Variants in PHF21A observed in about 807,000 individuals in gnomAD.
The protein encoded by PHF21A is BHC80a.
A neutral mutation model predicts 82.5 loss-of-function variants in PHF21A; 11 were observed. The ratio of observed to expected loss-of-function variants is 0.13; its 90% CI spans 0.08 to 0.22. The LOEUF is 0.22. Among genes scored for constraint, PHF21A ranks in the 10% least tolerant of loss-of-function variants. PHF21A has a pLI of 1.00. For missense variants in PHF21A, 579 were observed against 837.8 expected (o/e 0.69, Z 3.81); for synonymous variants, 297 against 302.8 (o/e 0.98, Z 0.20).
intron 14 of PHF21A, among the ~76,000 whole-genome samples, chr11:45,947,784 A>G (rs367658290): frequency 6.6e-6 from 1 of 152,158 alleles, no homozygotes; most frequent in East Asian, 1.9e-4. Flanking sequence ...GCACAAAACA[A>G]AACAAAACAA....
At chr11:46,056,838 T>C (rs570813755) in intron 6 of PHF21A, among the ~76,000 whole-genome samples, 1 of 152,246 alleles carries the variant, frequency 6.6e-6, no homozygotes, top group Non-Finnish European at 1.5e-5. Context: ...ACAATACTCA[T>C]GCTGTCCTCC....
At chr11:46,060,468 AAAT>A (rs1384018947) in intron 6 of PHF21A, among the ~76,000 whole-genome samples, 1 of 152,164 alleles carries the variant, frequency 6.6e-6, no homozygotes, top group Non-Finnish European at 1.5e-5. Context: ...ATATTATATA[AAAT>A]AATATTTTTT....
chr11:46,030,339 T>C (rs1189016454), intron 6 of PHF21A, among the ~76,000 whole-genome samples: 2 of 152,250 alleles, frequency 1.3e-5, no homozygotes, highest in African/African-American at 2.4e-5. Context: ...GCTTCTTTCA[T>C]AACAAGACGA....
intron 6 of PHF21A, among the ~76,000 whole-genome samples, chr11:46,044,115 T>G (rs577911909): frequency 1.4e-4 from 21 of 152,214 alleles, no homozygotes; most frequent in African/African-American, 5.1e-4. Context: ...TTGACTAGAA[T>G]CAAGTTTCAA....
At position 46,023,888 on chromosome 11, in the gene PHF21A, G is replaced by A. The variant is rs537712171; in HGVS notation, c.154-43922C>T. 5.9e-5 allele frequency among the ~76,000 whole-genome samples: 9 copies of A among 152,268 alleles called. No homozygotes were observed. The South Asian group carries it at 8.3e-4, about 14-fold the overall frequency. On this transcript the variant is annotated intron_variant, in intron 6 of 18. Coordinates refer to ENST00000676320, the MANE Select transcript of PHF21A (RefSeq NM_001352027.3). The stretch of plus-strand genomic sequence containing the variant: ...GGAAAATTGCTTGAACCCAGGAGGC[G>A]GAGGTTGCAGTGAGCCAAGATCGTG...
In PHF21A at chr11:46,033,666, C is replaced by T. The variant is rs903210122; in HGVS notation, c.153+43088G>A. ...AAAGCTGCATTGTCCAATATGCTAT[C>T]TATCCACTAGCCATATATGGCTATT... On this transcript the variant is annotated intron_variant, in intron 6 of 18. Transcript: ENST00000676320. Among the ~76,000 whole-genome samples, 3 of 152,174 alleles carry T rather than the reference C, an allele frequency of 2.0e-5. No individual in the cohort carries two copies. The South Asian group carries it at 6.2e-4, about 31-fold the overall frequency.
chr11:45,966,330 T>C (rs1030284755), intron 9 of PHF21A, among the ~76,000 whole-genome samples: 1 of 152,320 alleles, frequency 6.6e-6, no homozygotes, highest in Middle Eastern at 3.4e-3. Context: ...CCTCCGATAA[T>C]TGCCTCAGTA....
intron 6 of PHF21A, among the ~76,000 whole-genome samples, chr11:46,037,342 A>T (rs1433493865): frequency 6.6e-6 from 1 of 152,138 alleles, no homozygotes; most frequent in African/African-American, 2.4e-5. Flanking sequence ...AGGCCTATTG[A>T]TAAAAAATGG....
rs766892366 is a variant in PHF21A at position 46,040,925 on chromosome 11, ACACACACACG to A, written c.153+35819_153+35828del. ...CACACACACACACACACACACACAC[ACACACACACG>A]CACGCACAATTAAGGTTCTTGATCT... On this transcript the variant is annotated intron_variant, in intron 6 of 18. Coordinates refer to ENST00000676320, the MANE Select transcript of PHF21A (RefSeq NM_001352027.3). 5.3e-3 allele frequency among the ~76,000 whole-genome samples: 668 copies of A among 125,030 alleles called. 8 individuals carry two copies. The highest frequency in any genetic ancestry group is 0.021 in the African/African-American group (613 of 29,720). 82.0% of individuals were successfully genotyped at this position (125,030 alleles called of 152,430 possible). A position where few individuals can be genotyped will look rare whatever the true frequency, so the allele number is the denominator to read the frequency against.
At chr11:46,099,854 G>T (rs2097067150) in intron 1 of PHF21A, among the ~76,000 whole-genome samples, 1 of 152,078 alleles carries the variant, frequency 6.6e-6, no homozygotes, top group African/African-American at 2.4e-5. Flanking sequence ...GACTATACAG[G>T]TTTAGCTCCA....
At chr11:45,991,548 G>A (rs1252301390) in intron 6 of PHF21A, among the ~76,000 whole-genome samples, 1 of 152,094 alleles carries the variant, frequency 6.6e-6, no homozygotes, top group African/African-American at 2.4e-5. Flanking sequence ...TACAGCTGCA[G>A]TAAGCTTATA....
intron 8 of PHF21A, chr11:45,970,582 A>AT (rs66611953): frequency 0.86 from 129,037 of 149,394 alleles, 55,921 homozygotes; most frequent in East Asian, 0.98. Flanking sequence ...CCTTAAAGGG[A>AT]TTTTTTTTTT....
chr11:46,040,890 G>GACACACACACACAC (rs35673374), intron 6 of PHF21A, among the ~76,000 whole-genome samples: 20 of 137,222 alleles, frequency 1.5e-4, no homozygotes, highest in African/African-American at 2.2e-4. Flanking sequence ...CTGACAGGAA[G>GACACACACACACAC]ACACACACAC....
At chr11:46,051,712 G>T (rs1173757867) in intron 6 of PHF21A, among the ~76,000 whole-genome samples, 1 of 152,130 alleles carries the variant, frequency 6.6e-6, no homozygotes, top group East Asian at 1.9e-4. Context: ...AAGGGGGTGA[G>T]GACACTGGTC....
At chr11:46,065,782 G>A (rs2096586991) in intron 6 of PHF21A, among the ~76,000 whole-genome samples, 2 of 152,146 alleles carry the variant, frequency 1.3e-5, no homozygotes, top group Admixed American at 6.5e-5. Context: ...GGTATAAAGC[G>A]GGTGTATAAG....
At chr11:45,948,385 G>A (rs2091603446) in intron 14 of PHF21A, among the ~76,000 whole-genome samples, 2 of 152,130 alleles carry the variant, frequency 1.3e-5, no homozygotes, top group Non-Finnish European at 2.9e-5. Context: ...TCCTTAGTTG[G>A]AGATGCCCTC....
chr11:46,109,317 T>C (rs747189325), intron 1 of PHF21A, among the ~76,000 whole-genome samples: 1 of 152,202 alleles, frequency 6.6e-6, no homozygotes, highest in Non-Finnish European at 1.5e-5. Flanking sequence ...TAAGATCCTA[T>C]GTGTAAAAAG....
intron 1 of PHF21A, among the ~76,000 whole-genome samples, chr11:46,095,949 T>C (rs997297826): frequency 6.6e-6 from 1 of 152,192 alleles, no homozygotes; most frequent in Non-Finnish European, 1.5e-5. Context: ...ATCTCTTCTC[T>C]TCCCCTTACT....
intron 6 of PHF21A, among the ~76,000 whole-genome samples, chr11:46,005,137 G>A (rs1002130608): frequency 1.6e-4 from 24 of 152,232 alleles, no homozygotes; most frequent in African/African-American, 5.3e-4. Context: ...AATTCAGGTT[G>A]AGCATCTTTA....
Sources: gnomAD v4.1 joint callset for allele counts (sites outside exome capture counted in the v4.1 genomes callset) on GRCh38, gnomAD v4.1.1 for gene constraint, MANE v1.5 for transcripts, NCBI Gene and HGNC (gene_info 2026-07-23, HGNC 2026-07-21) for gene names.